The following RFTN2 variants were observed in gnomAD, a reference collection of about 807,000 sequenced individuals.
RFTN2 encodes the protein raftlin family member 2.
A neutral mutation model predicts 52.7 loss-of-function variants in RFTN2; 34 were observed. The observed-to-expected ratio is 0.64, with a 90% CI of 0.49 to 0.86. RFTN2 has a LOEUF of 0.86. Among genes scored for constraint, RFTN2 ranks in the 40% least tolerant of loss-of-function variants. The pLI, the probability that RFTN2 is intolerant of heterozygous loss-of-function variation, is 0.00. For missense variants in RFTN2, 536 were observed against 600.1 expected (o/e 0.89, Z 1.12); for synonymous variants, 203 against 217.7 (o/e 0.93, Z 0.59).
chr2:197,597,388 A>G (rs1353653333), intron 7 of RFTN2, among the ~76,000 whole-genome samples: 2 of 152,312 alleles, frequency 1.3e-5, no homozygotes, highest in Non-Finnish European at 2.9e-5. Context: ...ATGTTTTGGG[A>G]GCATGAAGTG....
intron 8 of RFTN2, among the ~76,000 whole-genome samples, chr2:197,575,217 C>T (rs955057015): frequency 3.3e-5 from 5 of 152,220 alleles, no homozygotes; most frequent in Non-Finnish European, 7.3e-5. Context: ...CTTTGCTCCT[C>T]ATTCACCTTC....
chr2:197,587,861 C>A, intron 8 of RFTN2: 1 of 339,942 alleles, frequency 2.9e-6, no homozygotes, highest in South Asian at 2.7e-5. Flanking sequence ...AGTCTGAAGC[C>A]CAACTAGTTC....
chr2:197,570,214 C>G lies in RFTN2; in HGVS notation c.*1794G>C, dbSNP rs1469302080. ...TCTTGATTATGGAACTCAAGTCCAT[C>G]TAAAAGTCAAAACAAAAACCATTTC... On this transcript the variant is annotated 3_prime_UTR_variant, in exon 9 of 9. Coordinates refer to ENST00000295049, the MANE Select transcript of RFTN2 (RefSeq NM_144629.3). 9 of 152,116 alleles carry G rather than the reference C, an allele frequency of 5.9e-5. No individual in the cohort carries two copies. The highest frequency in any genetic ancestry group is 5.9e-4 in the Admixed American group (9 of 15,270). The allele number at this position is 152,116 out of a possible 1,614,324, so 9.4% of individuals were successfully genotyped here. A position where few individuals can be genotyped will look rare whatever the true frequency, so the allele number is the denominator to read the frequency against.
chr2:197,605,751 T>G (rs1041483538), intron 7 of RFTN2, among the ~76,000 whole-genome samples: 6 of 152,160 alleles, frequency 3.9e-5, no homozygotes, highest in Admixed American at 2.6e-4. Context: ...TATTGCAGCG[T>G]TCCAGGCAGC....
intron 3 of RFTN2, among the ~76,000 whole-genome samples, chr2:197,637,653 C>T (rs1047817749): frequency 5.9e-4 from 90 of 151,304 alleles, no homozygotes; most frequent in African/African-American, 2.0e-3. Context: ...GTCTTGCTAG[C>T]GGTCTATCAA....
intron 8 of RFTN2, among the ~76,000 whole-genome samples, chr2:197,589,938 ACT>A (rs1345173026): frequency 2.6e-5 from 4 of 151,940 alleles, no homozygotes; most frequent in African/African-American, 9.7e-5. Context: ...ACAAGGTCTC[ACT>A]CTGTTGCTCA....
chr2:197,668,236 C>T (rs2089089249), intron 1 of RFTN2, among the ~76,000 whole-genome samples: 1 of 152,070 alleles, frequency 6.6e-6, no homozygotes, highest in Non-Finnish European at 1.5e-5. Context: ...GGGCTGTGTG[C>T]TCTGGCATGT....
intron 7 of RFTN2, among the ~76,000 whole-genome samples, chr2:197,608,623 C>CTTTT (rs57681105): frequency 1.0e-5 from 1 of 99,494 alleles, no homozygotes; most frequent in Admixed American, 1.1e-4. Context: ...TGGGACCAGA[C>CTTTT]TTTTTTTTTT....
chr2:197,666,298 TG>T (rs2089056604), intron 1 of RFTN2, among the ~76,000 whole-genome samples: 1 of 152,348 alleles, frequency 6.6e-6, no homozygotes, highest in African/African-American at 2.4e-5. Context: ...TTGGCCAGGC[TG>T]GTCTTGAACT....
chr2:197,644,479 A>G (rs973011550), intron 2 of RFTN2, among the ~76,000 whole-genome samples: 6 of 152,224 alleles, frequency 3.9e-5, no homozygotes, highest in Non-Finnish European at 7.3e-5. Flanking sequence ...TTAAACTGCT[A>G]TTAATTTAAT....
At chr2:197,587,837 A>C (rs1426587381) in intron 8 of RFTN2, among the ~76,000 whole-genome samples, 1 of 152,222 alleles carries the variant, frequency 6.6e-6, no homozygotes, top group Non-Finnish European at 1.5e-5. Flanking sequence ...TGTTCTCATA[A>C]CTTAGACTGT....
At chr2:197,601,346 C>T (rs894831003) in intron 7 of RFTN2, among the ~76,000 whole-genome samples, 1 of 152,188 alleles carries the variant, frequency 6.6e-6, no homozygotes, top group African/African-American at 2.4e-5. Context: ...ATCTCTTGGA[C>T]TAAACTAATA....
chr2:197,588,052 AG>A (rs987966656), intron 8 of RFTN2: 5 of 466,144 alleles, frequency 1.1e-5, no homozygotes, highest in Non-Finnish European at 1.8e-5. Context: ...TTGCTGTAAA[AG>A]ATTTGTGTGT....
At chr2:197,581,223 C>T (rs777841964) in intron 8 of RFTN2, among the ~76,000 whole-genome samples, 8 of 152,218 alleles carry the variant, frequency 5.3e-5, no homozygotes, top group East Asian at 3.8e-4. Flanking sequence ...GTCCCAAAAC[C>T]GGACAAGTCT....
intron 2 of RFTN2, among the ~76,000 whole-genome samples, chr2:197,644,900 A>G (rs1445204418): frequency 6.6e-6 from 1 of 152,080 alleles, no homozygotes; most frequent in African/African-American, 2.4e-5. Flanking sequence ...GTAGGCAATT[A>G]CTCCATGGGA....
intron 7 of RFTN2, among the ~76,000 whole-genome samples, chr2:197,599,243 C>T (rs1422850787): frequency 6.6e-6 from 1 of 152,168 alleles, no homozygotes; most frequent in Non-Finnish European, 1.5e-5. Flanking sequence ...CCAGCCTTAC[C>T]ATATTCTTCT....
intron 1 of RFTN2, among the ~76,000 whole-genome samples, chr2:197,659,786 C>A (rs2088952356): frequency 7.4e-6 from 1 of 135,860 alleles, no homozygotes; most frequent in Non-Finnish European, 1.6e-5. Context: ...CATTGCACTC[C>A]AGCCTGGGCA....
At chr2:197,595,867 T>C (rs907841401) in intron 8 of RFTN2, 124 bp downstream of exon 8, 4 of 589,210 alleles carry the variant, frequency 6.8e-6, no homozygotes, top group African/African-American at 5.7e-5. Context: ...ATTTCCCTTA[T>C]AGGTTGGTTC....
At chr2:197,618,704 T>C (rs1332692037) in intron 5 of RFTN2, among the ~76,000 whole-genome samples, 2 of 139,936 alleles carry the variant, frequency 1.4e-5, no homozygotes, top group African/African-American at 5.5e-5. Context: ...CGGCCGCCCA[T>C]CGTCTGAGAT....
Sources: gnomAD v4.1 joint callset for allele counts (sites outside exome capture counted in the v4.1 genomes callset) on GRCh38, gnomAD v4.1.1 for gene constraint, MANE v1.5 for transcripts, NCBI Gene and HGNC (gene_info 2026-07-23, HGNC 2026-07-21) for gene names.